The following ERMP1 variants were observed in gnomAD, a reference collection of about 807,000 sequenced individuals.
ERMP1 encodes the protein Felix-ina.
Under a neutral mutation model 92.0 loss-of-function variants are expected in ERMP1, and 86 were observed. That is an observed-to-expected ratio of 0.93 (90% CI 0.79 to 1.12). ERMP1 has a LOEUF of 1.12. ERMP1 is among the 50% of genes most tolerant of loss of function. The pLI is 0.00. For missense variants in ERMP1, 1,342 were observed against 1,116.3 expected (o/e 1.20, Z -2.88); for synonymous variants, 530 against 412.8 (o/e 1.28, Z -3.44).
chr9:5,824,149 C>A, intron 3 of ERMP1, 148 bp from the exon 4 acceptor site: 1 of 647,490 alleles, frequency 1.5e-6, no homozygotes, highest in Non-Finnish European at 2.7e-6. Context: ...CCAAAGACAT[C>A]TTCTGCTTCT....
At chr9:5,787,851 C>A (rs987527222) in intron 13 of ERMP1, among the ~76,000 whole-genome samples, 1 of 152,174 alleles carries the variant, frequency 6.6e-6, no homozygotes, top group Non-Finnish European at 1.5e-5. Context: ...TGCTGCATGA[C>A]ATCAGGAATT....
intron 6 of ERMP1, among the ~76,000 whole-genome samples, chr9:5,847,858 G>A (rs1242902190): frequency 6.6e-6 from 1 of 150,788 alleles, no homozygotes; most frequent in Non-Finnish European, 1.5e-5. Context: ...TGGCACCGCT[G>A]TACTCCAGCC....
chr9:5,825,852 CTCT>C (rs1003563398), intron 2 of ERMP1, among the ~76,000 whole-genome samples: 34 of 152,298 alleles, frequency 2.2e-4, no homozygotes, highest in African/African-American at 7.9e-4. Context: ...ATCTCTGAAC[CTCT>C]TCTTGATTCA....
chr9:5,835,076 T>C (rs1167198595), upstream of ERMP1, among the ~76,000 whole-genome samples: 1 of 150,506 alleles, frequency 6.6e-6, no homozygotes, highest in Non-Finnish European at 1.5e-5. Context: ...AGAATTTTCC[T>C]TCTCATGAAA....
At chr9:5,843,237 C>A (rs190160853) in intron 6 of ERMP1, among the ~76,000 whole-genome samples, 2 of 152,322 alleles carry the variant, frequency 1.3e-5, no homozygotes, top group Admixed American at 1.3e-4. Flanking sequence ...TAACAGTAAC[C>A]ATAGCTCTGC....
chr9:5,802,601 G>A (rs1828713796), intron 10 of ERMP1, among the ~76,000 whole-genome samples: 2 of 152,160 alleles, frequency 1.3e-5, no homozygotes, highest in Admixed American at 1.3e-4. Flanking sequence ...GGCCAGGCTG[G>A]TCTTGAACTG....
intron 6 of ERMP1, among the ~76,000 whole-genome samples, chr9:5,858,080 T>A (rs540258649): frequency 6.6e-6 from 1 of 152,110 alleles, no homozygotes; most frequent in African/African-American, 2.4e-5. Flanking sequence ...AAAGACCTCA[T>A]TGAAGGAAGG....
chr9:5,815,844 C>G (rs1355200123), intron 4 of ERMP1, among the ~76,000 whole-genome samples: 2 of 152,058 alleles, frequency 1.3e-5, no homozygotes, highest in Non-Finnish European at 2.9e-5. Flanking sequence ...ATGTGATGCA[C>G]TGAGGACACA....
chr9:5,799,320 C>G (rs935811142), intron 11 of ERMP1, among the ~76,000 whole-genome samples: 1 of 152,130 alleles, frequency 6.6e-6, no homozygotes, highest in Non-Finnish European at 1.5e-5. Flanking sequence ...AAAACAAATA[C>G]ATCCTAAGCA....
intron 13 of ERMP1, 82 bp downstream of exon 13, chr9:5,797,735 T>A (rs1017491587): frequency 1.5e-5 from 12 of 817,908 alleles, no homozygotes; most frequent in Non-Finnish European, 2.4e-5. Flanking sequence ...TCCTGTGATA[T>A]ATCTGAGGGA....
intron 13 of ERMP1, among the ~76,000 whole-genome samples, chr9:5,794,879 G>A (rs527828478): frequency 2.0e-5 from 3 of 152,182 alleles, no homozygotes; most frequent in Admixed American, 6.5e-5. Context: ...AGAAGCAGAG[G>A]GAATACTTCT....
rs145816345 is a variant in ERMP1 at position 5,845,024 on chromosome 9, C to A, written n.3200-11712G>T. On this transcript the variant is annotated intron_variant and non_coding_transcript_variant, in intron 6 of 6. Transcript: ENST00000690753. The stretch of plus-strand genomic sequence containing the variant: ...AAGCGAACAGGGGAAAATGTCCCCC[C>A]ACCCCCGCCAGCTCTTCCTTGGGGC... Among the ~76,000 whole-genome samples, 8 of 152,128 alleles carry A rather than the reference C, an allele frequency of 5.3e-5. No individual in the cohort carries two copies. In the East Asian group the frequency reaches 9.6e-4, roughly 18 times the overall value.
intron 1 of ERMP1, 70 bp downstream of exon 1, chr9:5,832,620 C>G: frequency 8.2e-7 from 1 of 1,224,198 alleles, no homozygotes; most frequent in South Asian, 1.9e-5. Context: ...CACACAGGTG[C>G]GGTGCCCCGG....
chr9:5,849,388 C>T (rs1419636590), intron 6 of ERMP1, among the ~76,000 whole-genome samples: 1 of 152,182 alleles, frequency 6.6e-6, no homozygotes, highest in African/African-American at 2.4e-5. Flanking sequence ...CTAGCACCTT[C>T]ATTTTACAGA....
intron 4 of ERMP1, among the ~76,000 whole-genome samples, chr9:5,813,984 T>C (rs550123998): frequency 6.6e-6 from 1 of 151,888 alleles, no homozygotes; most frequent in African/African-American, 2.4e-5. Context: ...CCACATACCT[T>C]GTAATGCCTG....
chr9:5,834,915 A>G (rs1439942311), upstream of ERMP1, among the ~76,000 whole-genome samples: 2 of 146,348 alleles, frequency 1.4e-5, no homozygotes, highest in African/African-American at 5.1e-5. Flanking sequence ...TGCAGATGAT[A>G]CCTGCCTTAA....
At chr9:5,811,472 G>C in intron 6 of ERMP1, 149 bp from the exon 7 acceptor site, 1 of 662,220 alleles carries the variant, frequency 1.5e-6, no homozygotes, top group Non-Finnish European at 2.5e-6. Flanking sequence ...AATGTGAACA[G>C]AAATCGCTTT....
intron 6 of ERMP1, among the ~76,000 whole-genome samples, chr9:5,844,031 G>A (rs190869947): frequency 6.6e-6 from 1 of 152,278 alleles, no homozygotes; most frequent in East Asian, 1.9e-4. Context: ...GTTCTGTGAA[G>A]TATGATGGCA....
chr9:5,838,484 T>C (rs528354550), intron 6 of ERMP1, among the ~76,000 whole-genome samples: 4 of 150,928 alleles, frequency 2.7e-5, no homozygotes, highest in African/African-American at 9.7e-5. Context: ...AAGGCTGCCA[T>C]AGCGCCACTG....
Sources: allele counts gnomAD v4.1 joint callset (sites outside exome capture counted in the v4.1 genomes callset), GRCh38; gene constraint gnomAD v4.1.1; transcripts MANE v1.5; gene names NCBI Gene and HGNC (gene_info 2026-07-23, HGNC 2026-07-21).